DCPS: variants seen among roughly 807,000 people sequenced by gnomAD.
DCPS encodes the protein decapping enzyme, scavenger.
Under a neutral mutation model 34.7 loss-of-function variants are expected in DCPS, and 27 were observed. The ratio of observed to expected loss-of-function variants is 0.78; its 90% confidence interval spans 0.57 to 1.07. The LOEUF (loss-of-function observed/expected upper bound fraction) is 1.07. Among genes scored for constraint, DCPS ranks in the 50% least tolerant of loss-of-function variants. The pLI is 0.00. For synonymous variants in DCPS, 185 were observed against 185.7 expected (o/e 1.00, Z 0.03); for missense variants, 464 against 436.9 (o/e 1.06, Z -0.55).
Position 126,338,284 on chromosome 11 carries a change from A to G in DCPS, c.523-2A>G. On this transcript the variant is annotated splice_acceptor_variant, in intron 3 of 5. Transcript: ENST00000263579. LOFTEE classifies it high-confidence loss of function. This position sits in a 1 kb window ranked among gnomAD's most constrained non-coding sequence, Gnocchi z 5.4. ...GAACCATCTCTCTCCCCCTCCTTTC[A>G]GTGGGTGTATAACATTCTCGACAAG... The G allele has an allele frequency of 2.5e-6, 4 of 1,613,810 alleles. No individual in the cohort carries two copies. Among genetic ancestry groups the G allele is most frequent in the Non-Finnish European group, 3.4e-6 (4 of 1,179,842 alleles).
rs1951721342 is a variant in DCPS, at chr11:126,323,498, T to C, written c.377-7907T>C. The stretch of plus-strand genomic sequence containing the variant: ...GAAAGTTCTTTGAACAAGTAAGGCA[T>C]TCAAACAATTCTAAATGTATTAAAG... On this transcript the variant is annotated intron_variant, in intron 2 of 5. Transcript: ENST00000263579. This position sits in a 1 kb window ranked among gnomAD's most constrained non-coding sequence, Gnocchi z 4.4. 6.6e-6 allele frequency among the ~76,000 whole-genome samples: 1 copy of C among 152,080 alleles called. No homozygotes were observed. The highest frequency in any genetic ancestry group is 2.4e-5 in the African/African-American group (1 of 41,410).
chr11:126,324,267 G>A (rs1284426849), intron 2 of DCPS, among the ~76,000 whole-genome samples: 1 of 152,068 alleles, frequency 6.6e-6, no homozygotes, highest in Non-Finnish European at 1.5e-5. Context: ...ATGCTCTGGT[G>A]GAAATTTGAA....
At chr11:126,318,374 G>A (rs1951678887) in intron 2 of DCPS, among the ~76,000 whole-genome samples, 1 of 152,168 alleles carries the variant, frequency 6.6e-6, no homozygotes, top group African/African-American at 2.4e-5. Flanking sequence ...GCTTGGCCTG[G>A]GACCAGAGGA....
In DCPS at chr11:126,349,745, T is replaced by A. The variant is rs545944290; in HGVS notation, c.*4132T>A. On this transcript the variant is annotated 3_prime_UTR_variant, in exon 6 of 6. Coordinates refer to ENST00000263579, the MANE Select transcript of DCPS (RefSeq NM_014026.6). The surrounding 1 kb of genome is among the most constrained non-coding windows in gnomAD (Gnocchi z 5.4). ...ACTGTTTTTATTCCAAACATGTATA[T>A]ATAAGGTTAAAATGTATTTTTTAAA... Among the ~76,000 whole-genome samples the A allele has an allele frequency of 2.0e-5, 3 of 152,230 alleles. No individual in the cohort carries two copies. Among genetic ancestry groups the A allele is most frequent in the Non-Finnish European group, 4.4e-5 (3 of 68,042 alleles).
chr11:126,343,106 C>A (rs969423560), intron 4 of DCPS, among the ~76,000 whole-genome samples: 3 of 149,638 alleles, frequency 2.0e-5, no homozygotes, highest in African/African-American at 7.4e-5. Flanking sequence ...ACATGGTATT[C>A]TCTAGCAAGA....
In DCPS at chr11:126,322,739, C is replaced by T. The variant is rs1264248924; in HGVS notation, c.377-8666C>T. ...TCCTGAGTAGCTGGGACTACAGGCGCGTGCCATCACGCCCAGCTAATTTTT... is the reference window on the plus strand; with the variant it reads ...TCCTGAGTAGCTGGGACTACAGGCGTGTGCCATCACGCCCAGCTAATTTTT... On this transcript the variant is annotated intron_variant, in intron 2 of 5. Coordinates refer to ENST00000263579, the MANE Select transcript of DCPS (RefSeq NM_014026.6). The surrounding 1 kb of genome is among the most constrained non-coding windows in gnomAD (Gnocchi z 4.2). Among the ~76,000 whole-genome samples the T allele has an allele frequency of 1.3e-5, 2 of 152,120 alleles. No homozygotes were observed. Among genetic ancestry groups the T allele is most frequent in the African/African-American group, 2.4e-5 (1 of 41,502 alleles).
At position 126,319,346 on chromosome 11, in the gene DCPS, T is replaced by C. The variant is rs1349292653; in HGVS notation, c.377-12059T>C. On this transcript the variant is annotated intron_variant, in intron 2 of 5. Coordinates refer to ENST00000263579, the MANE Select transcript of DCPS (RefSeq NM_014026.6). This position sits in a 1 kb window ranked among gnomAD's most constrained non-coding sequence, Gnocchi z 4.5. ...AGGGGACAGGATGGTACCACAAATG[T>C]AGGCCAAAACAGCTATTGTTTCTAG... is the stretch of plus-strand genomic sequence containing the variant. Among the ~76,000 whole-genome samples the C allele has an allele frequency of 3.9e-5, 6 of 152,122 alleles. No homozygotes were observed. Among genetic ancestry groups the C allele is most frequent in the African/African-American group, 7.2e-5 (3 of 41,426 alleles).
In DCPS at chr11:126,337,923, C is replaced by T. The variant is rs1951844285; in HGVS notation, c.523-363C>T. ...CATGGAGGCAGCTCTTCCCCTGAGT[C>T]CTGTGAGCGGTGGAGGGGGTCACTG... is the stretch of plus-strand genomic sequence containing the variant. On this transcript the variant is annotated intron_variant, in intron 3 of 5. Coordinates refer to ENST00000263579, the MANE Select transcript of DCPS (RefSeq NM_014026.6). This position sits in a 1 kb window ranked among gnomAD's most constrained non-coding sequence, Gnocchi z 5.3. 1.3e-5 allele frequency: 3 copies of T among 229,188 alleles called. No homozygotes were observed. Among genetic ancestry groups the T allele is most frequent in the East Asian group, 1.0e-4 (1 of 9,808 alleles). 14.2% of individuals were successfully genotyped at this position (229,188 alleles called of 1,614,324 possible). A position where few individuals can be genotyped will look rare whatever the true frequency, so the allele number is the denominator to read the frequency against.
chr11:126,320,551 C>T lies in DCPS; in HGVS notation c.377-10854C>T, dbSNP rs1325473407. On this transcript the variant is annotated intron_variant, in intron 2 of 5. Coordinates refer to ENST00000263579, the MANE Select transcript of DCPS (RefSeq NM_014026.6). The surrounding 1 kb of genome is among the most constrained non-coding windows in gnomAD (Gnocchi z 4.7). ...GGTGCAGTGGCTCATGCCCCTAATC[C>T]CAACACATTGGGAGGCCAAGGTGGG... Among the ~76,000 whole-genome samples, 2 of 152,110 alleles carry T rather than the reference C, an allele frequency of 1.3e-5. No individual in the cohort carries two copies. The highest frequency in any genetic ancestry group is 2.9e-5 in the Non-Finnish European group (2 of 68,016).
In DCPS at chr11:126,333,349, T is replaced by C. The variant is rs1335036401; in HGVS notation, c.522+1799T>C. Among the ~76,000 whole-genome samples the C allele has an allele frequency of 6.6e-6, 1 of 152,236 alleles. No homozygotes were observed. The highest frequency in any genetic ancestry group is 1.9e-4 in the East Asian group (1 of 5,202). On this transcript the variant is annotated intron_variant, in intron 3 of 5. Transcript: ENST00000263579. This position sits in a 1 kb window ranked among gnomAD's most constrained non-coding sequence, Gnocchi z 5.7. ...ATGGACCTGGTCCTATGCCAGGCTTTGGAGAGTCACCAAGATGATGAAACC... is the reference window on the plus strand; with the variant it reads ...ATGGACCTGGTCCTATGCCAGGCTTCGGAGAGTCACCAAGATGATGAAACC...
rs1351677228 is a variant in DCPS, at chr11:126,334,532, C to T, written c.522+2982C>T. On this transcript the variant is annotated intron_variant, in intron 3 of 5. Transcript: ENST00000263579. The surrounding 1 kb of genome is among the most constrained non-coding windows in gnomAD (Gnocchi z 5.5). ...CTAATTTTTGTATTTTTAGTAGAGA[C>T]GGAGTTTCACCATGTTGGCCAGGCT... Among the ~76,000 whole-genome samples the T allele has an allele frequency of 1.3e-5, 2 of 151,962 alleles. No individual in the cohort carries two copies. The highest frequency in any genetic ancestry group is 2.4e-5 in the African/African-American group (1 of 41,378).
intron 5 of DCPS, among the ~76,000 whole-genome samples, chr11:126,343,805 C>T (rs1396937452): frequency 1.3e-5 from 2 of 152,192 alleles, no homozygotes; most frequent in Non-Finnish European, 2.9e-5. Flanking sequence ...TGTGTGTACA[C>T]GTGTGTCTCC....
At chr11:126,304,783 G>A (rs998560496) in intron 1 of DCPS, among the ~76,000 whole-genome samples, 3 of 152,194 alleles carry the variant, frequency 2.0e-5, no homozygotes, top group African/African-American at 7.2e-5. Context: ...CTAGGTACTG[G>A]GGATGTGGAG....
Position 126,345,269 on chromosome 11 carries a change from G to A in DCPS, c.748-78G>A. The A allele has an allele frequency of 1.9e-6, 3 of 1,573,264 alleles. No individual in the cohort carries two copies. The highest frequency in any genetic ancestry group is 2.6e-6 in the Non-Finnish European group (3 of 1,159,810). The stretch of plus-strand genomic sequence containing the variant: ...AGGCCAATCCAGGATTCAGATGGGA[G>A]GAGGGTCTAGGTGGGGACATGGCGC... On this transcript the variant is annotated intron_variant, in intron 5 of 5. Coordinates refer to ENST00000263579, the MANE Select transcript of DCPS (RefSeq NM_014026.6). The surrounding 1 kb of genome is among the most constrained non-coding windows in gnomAD (Gnocchi z 7.4).
chr11:126,331,266 C>T lies in DCPS; in HGVS notation c.377-139C>T. The T allele has an allele frequency of 4.7e-6, 6 of 1,283,202 alleles. No homozygotes were observed. The highest frequency in any genetic ancestry group is 6.5e-6 in the Non-Finnish European group (6 of 926,114). 79.5% of individuals were successfully genotyped at this position (1,283,202 alleles called of 1,614,324 possible). On this transcript the variant is annotated intron_variant, in intron 2 of 5. Transcript: ENST00000263579. This position sits in a 1 kb window ranked among gnomAD's most constrained non-coding sequence, Gnocchi z 7.2. ...CACAAGGCACTCTGTGGGAGTGGAT[C>T]TTGGGTGCATGATCCTCTTGGATTT... is the stretch of plus-strand genomic sequence containing the variant.
chr11:126,311,854 GAT>G (rs1414350824), intron 2 of DCPS, among the ~76,000 whole-genome samples: 2 of 152,180 alleles, frequency 1.3e-5, no homozygotes, highest in Admixed American at 1.3e-4. Flanking sequence ...CGCAGTGAGA[GAT>G]ATGTTTCACA....
chr11:126,343,782 C>T (rs1951896094), intron 5 of DCPS, among the ~76,000 whole-genome samples: 1 of 152,222 alleles, frequency 6.6e-6, no homozygotes, highest in Non-Finnish European at 1.5e-5. Context: ...AGTATGGGCA[C>T]ATGACTTCGA....
chr11:126,318,629 G>A (rs1419615084), intron 2 of DCPS, among the ~76,000 whole-genome samples: 1 of 152,244 alleles, frequency 6.6e-6, no homozygotes, highest in Non-Finnish European at 1.5e-5. Context: ...TTGTGGAGAG[G>A]ACATGGCGGG....
rs1951907131 is a variant in DCPS at position 126,345,051 on chromosome 11, C to G, written c.748-296C>G. 1.3e-5 allele frequency among the ~76,000 whole-genome samples: 2 copies of G among 152,224 alleles called. No homozygotes were observed. The highest frequency in any genetic ancestry group is 6.5e-5 in the Admixed American group (1 of 15,290). On this transcript the variant is annotated intron_variant, in intron 5 of 5. Coordinates refer to ENST00000263579, the MANE Select transcript of DCPS (RefSeq NM_014026.6). The surrounding 1 kb of genome is among the most constrained non-coding windows in gnomAD (Gnocchi z 7.4). ...GGCCTTCCAAGATTCCCAGCAGCAA[C>G]TGTTTGAGGAAGCCAGTGTTTTTTC...
Sources: allele counts gnomAD v4.1 joint callset (sites outside exome capture counted in the v4.1 genomes callset), GRCh38; gene constraint gnomAD v4.1.1; non-coding constraint Gnocchi (gnomAD v3.1); transcripts MANE v1.5; gene names NCBI Gene and HGNC (gene_info 2026-07-23, HGNC 2026-07-21).